Variants in REDIC1 observed in about 807,000 individuals in gnomAD.
The protein encoded by REDIC1 is HEI10 Interacting Protein 1.
At chr12:39,884,661 A>T in the REDIC1 span, among the ~76,000 whole-genome samples, 1 of 152,316 alleles carries the variant, frequency 6.6e-6, no homozygotes, top group East Asian at 1.9e-4. Context: ...TGACCGCCAT[A>T]CATATAACAA....
At chr12:39,748,451 A>G in the REDIC1 span, among the ~76,000 whole-genome samples, 1 of 152,160 alleles carries the variant, frequency 6.6e-6, no homozygotes, top group Admixed American at 6.5e-5. Flanking sequence ...AGAGACTTAG[A>G]CTCCCACATA....
the REDIC1 span, among the ~76,000 whole-genome samples, chr12:39,773,673 C>T: frequency 1.3e-5 from 2 of 152,160 alleles, no homozygotes; most frequent in African/African-American, 2.4e-5. Flanking sequence ...GTCTATATTG[C>T]CCCTTTATTC....
At chr12:39,650,202 T>A in the REDIC1 span, 1 of 1,519,314 alleles carries the variant, frequency 6.6e-7, no homozygotes, top group African/African-American at 1.4e-5. The surrounding 1 kb of genome is among the most constrained non-coding windows in gnomAD (Gnocchi z 4.3). Context: ...TATGTACATT[T>A]ACTATTTTGG....
At chr12:39,649,038 C>T in the REDIC1 span, among the ~76,000 whole-genome samples, 3 of 151,774 alleles carry the variant, frequency 2.0e-5, no homozygotes, top group Non-Finnish European at 2.9e-5. Context: ...TCTAGATCAG[C>T]TTATAACTCA....
chr12:39,676,331 C>T, the REDIC1 span, among the ~76,000 whole-genome samples: 1 of 152,014 alleles, frequency 6.6e-6, no homozygotes, highest in Non-Finnish European at 1.5e-5. Context: ...ACAATAGAAT[C>T]GAACAAGTAG....
the REDIC1 span, among the ~76,000 whole-genome samples, chr12:39,711,535 A>G: frequency 1.5e-5 from 2 of 132,946 alleles, no homozygotes; most frequent in South Asian, 5.0e-4. Flanking sequence ...ATGTGTATAT[A>G]CATATATGTA....
the REDIC1 span, among the ~76,000 whole-genome samples, chr12:39,810,951 G>T: frequency 6.6e-6 from 1 of 151,970 alleles, no homozygotes; most frequent in Non-Finnish European, 1.5e-5. Context: ...AAAATGAGTT[G>T]GGAAATTTCC....
chr12:39,728,584 C>G, the REDIC1 span, among the ~76,000 whole-genome samples: 11 of 152,256 alleles, frequency 7.2e-5, no homozygotes, highest in African/African-American at 2.4e-4. Flanking sequence ...TGATGTTCAT[C>G]AGGCATATTG....
chr12:39,645,122 C>T, the REDIC1 span, among the ~76,000 whole-genome samples: 1 of 151,970 alleles, frequency 6.6e-6, no homozygotes. Flanking sequence ...GAGCACTTCT[C>T]GAATGAGGGT....
the REDIC1 span, among the ~76,000 whole-genome samples, chr12:39,635,877 T>C: frequency 6.6e-6 from 1 of 152,182 alleles, no homozygotes; most frequent in Non-Finnish European, 1.5e-5. Flanking sequence ...TCTAGCTACC[T>C]GTAAGACTAT....
At chr12:39,864,800 T>C in the REDIC1 span, 1 of 1,613,990 alleles carries the variant, frequency 6.2e-7, no homozygotes, top group South Asian at 1.1e-5. Flanking sequence ...CTGACGGAGC[T>C]ATTGGCTTAA....
At chr12:39,877,981 C>G in the REDIC1 span, among the ~76,000 whole-genome samples, 1 of 152,108 alleles carries the variant, frequency 6.6e-6, no homozygotes, top group South Asian at 2.1e-4. Context: ...TGAGGTACCT[C>G]CCCTGACCCA....
At chr12:39,667,350 T>G in the REDIC1 span, among the ~76,000 whole-genome samples, 4 of 152,118 alleles carry the variant, frequency 2.6e-5, no homozygotes, top group Admixed American at 1.3e-4. Context: ...GGAGCAGGTT[T>G]TTCAGTTTCC....
the REDIC1 span, among the ~76,000 whole-genome samples, chr12:39,840,133 G>T: frequency 6.6e-6 from 1 of 152,040 alleles, no homozygotes; most frequent in Admixed American, 6.6e-5. Context: ...CTGGGTTTAA[G>T]CGATTTTCCT....
the REDIC1 span, among the ~76,000 whole-genome samples, chr12:39,857,781 G>A: frequency 9.2e-5 from 14 of 152,102 alleles, no homozygotes; most frequent in Non-Finnish European, 1.6e-4. Flanking sequence ...TTGCTTGCTC[G>A]TTATGACCCA....
At chr12:39,808,930 A>G in the REDIC1 span, among the ~76,000 whole-genome samples, 1 of 151,950 alleles carries the variant, frequency 6.6e-6, no homozygotes, top group Non-Finnish European at 1.5e-5. Context: ...GAACTCCAAT[A>G]TATCAATTTT....
chr12:39,775,080 A>G, the REDIC1 span, among the ~76,000 whole-genome samples: 668 of 152,304 alleles, frequency 4.4e-3, 5 homozygotes, highest in African/African-American at 0.015. Flanking sequence ...CTTAAATGGG[A>G]AATTATATGC....
chr12:39,657,981 A>C, the REDIC1 span, among the ~76,000 whole-genome samples: 24 of 152,068 alleles, frequency 1.6e-4, no homozygotes, highest in African/African-American at 5.5e-4. Flanking sequence ...ATTCTTCTTT[A>C]CTAATATAGG....
the REDIC1 span, among the ~76,000 whole-genome samples, chr12:39,668,321 T>G: frequency 1.3e-5 from 2 of 152,142 alleles, no homozygotes; most frequent in Non-Finnish European, 1.5e-5. Flanking sequence ...CTCCTTCACT[T>G]ATGAAGCTTA....
Sources: gnomAD v4.1 joint callset for allele counts (sites outside exome capture counted in the v4.1 genomes callset) on GRCh38, gnomAD v4.1.1 for gene constraint, Gnocchi (gnomAD v3.1) non-coding constraint, MANE v1.5 for transcripts, NCBI Gene and HGNC (gene_info 2026-07-23, HGNC 2026-07-21) for gene names.